Variants in SMAP1 observed in about 807,000 individuals in gnomAD.
SMAP1 encodes stromal membrane-associated protein 1.
Under a neutral mutation model 58.5 loss-of-function variants are expected in SMAP1, and 24 were observed. The observed-to-expected ratio is 0.41, with a 90% confidence interval of 0.30 to 0.58. The LOEUF is 0.58. Among genes scored for constraint, SMAP1 ranks in the 20% least tolerant of loss-of-function variants. SMAP1 has a pLI of 0.29. For synonymous variants in SMAP1, 216 were observed against 196.6 expected (o/e 1.10, Z -0.82); for missense variants, 563 against 566.3 (o/e 0.99, Z 0.06).
chr6:70,667,943 C>T lies in SMAP1; in HGVS notation c.-81C>T. 2 of 1,267,592 alleles carry T rather than the reference C, an allele frequency of 1.6e-6. No individual in the cohort carries two copies. The highest frequency in any genetic ancestry group is 3.0e-5 in the East Asian group (1 of 33,426). 78.5% of individuals were successfully genotyped at this position (1,267,592 alleles called of 1,614,324 possible). A position where few individuals can be genotyped will look rare whatever the true frequency, so the allele number is the denominator to read the frequency against. ...GAGTCCGCCCGCGGTCCCGGCGGCG[C>T]CAGGTGCGTTCACTCTGCCCGGCTC... On this transcript the variant is annotated 5_prime_UTR_variant, in exon 1 of 11. Coordinates refer to ENST00000370455, the MANE Select transcript of SMAP1 (RefSeq NM_001044305.3).
chr6:70,702,423 A>G (rs1767671338), intron 1 of SMAP1, among the ~76,000 whole-genome samples: 1 of 151,370 alleles, frequency 6.6e-6, no homozygotes, highest in African/African-American at 2.4e-5. Context: ...TTCATTTTAG[A>G]TAGTTGCTAT....
chr6:70,709,081 GT>G (rs972486393), intron 1 of SMAP1, among the ~76,000 whole-genome samples: 1 of 110,940 alleles, frequency 9.0e-6, no homozygotes, highest in Non-Finnish European at 2.0e-5. Flanking sequence ...TTCTAAGGAG[GT>G]TTTTGTGTGT....
At chr6:70,858,302 T>G in intron 10 of SMAP1, 73 bp downstream of exon 10, 16 of 1,331,998 alleles carry the variant, frequency 1.2e-5, no homozygotes, top group East Asian at 2.6e-5. Flanking sequence ...TTTTTTTTTT[T>G]TTTTTTTTTT....
In SMAP1 at chr6:70,858,176, C is replaced by T; in HGVS notation, c.1216C>T (p.Gln406Ter). The change falls in exon 10 of 11, where the codon CAG becomes TAG. Residue 406 changes from glutamine (Q) to a stop codon, truncating the protein, a stop_gained. Coordinates refer to ENST00000370455, the MANE Select transcript of SMAP1 (RefSeq NM_001044305.3). LOFTEE classifies it high-confidence loss of function. ...AATGGTGGGACAAATGGGTGCACCC[C>T]AGAGTAAGTTTGGCCTGCCGCAAGC... ...GGMVGQMGAP[Q>*]SKFGLPQAQQ... is the part of the protein sequence containing the mutation. 1 of 1,613,778 alleles carries T rather than the reference C, an allele frequency of 6.2e-7. No homozygotes were observed. Among genetic ancestry groups the T allele is most frequent in the Non-Finnish European group, 8.5e-7 (1 of 1,179,960 alleles).
intron 1 of SMAP1, among the ~76,000 whole-genome samples, chr6:70,697,977 G>A (rs887535699): frequency 3.9e-5 from 6 of 151,984 alleles, no homozygotes; most frequent in Non-Finnish European, 5.9e-5. Flanking sequence ...GCGTTTTTTT[G>A]TGTGCTTACT....
rs149677752 is a variant in SMAP1, at chr6:70,760,437, T to C, written c.338+5372T>C. On this transcript the variant is annotated intron_variant, in intron 3 of 10. Coordinates refer to ENST00000370455, the MANE Select transcript of SMAP1 (RefSeq NM_001044305.3). Reference sequence around the variant, plus strand: ...TAGATGATTACTTATGTTAAGAGTATAAGATGACAATTCTTGGACCATGAG... The same window carrying C: ...TAGATGATTACTTATGTTAAGAGTACAAGATGACAATTCTTGGACCATGAG... 5.3e-5 allele frequency among the ~76,000 whole-genome samples: 8 copies of C among 152,246 alleles called. No individual in the cohort carries two copies. In the East Asian group the frequency reaches 1.5e-3, roughly 29 times the overall value.
At chr6:70,707,221 AAAAT>A (rs1242213914) in intron 1 of SMAP1, among the ~76,000 whole-genome samples, 3 of 152,210 alleles carry the variant, frequency 2.0e-5, no homozygotes, top group East Asian at 1.9e-4. Context: ...TTTGTTTAAC[AAAAT>A]AAATAAACAT....
chr6:70,800,967 A>G (rs1768823142), intron 6 of SMAP1, among the ~76,000 whole-genome samples: 1 of 152,160 alleles, frequency 6.6e-6, no homozygotes, highest in African/African-American at 2.4e-5. Flanking sequence ...GAATAGTGCC[A>G]CAATAAACAT....
chr6:70,754,233 A>G (rs1251297310), intron 2 of SMAP1, among the ~76,000 whole-genome samples: 2 of 152,122 alleles, frequency 1.3e-5, no homozygotes, highest in African/African-American at 2.4e-5. Flanking sequence ...CTAATATAAT[A>G]GAATATTAAG....
intron 4 of SMAP1, among the ~76,000 whole-genome samples, chr6:70,777,738 T>C (rs567936185): frequency 6.6e-6 from 1 of 152,118 alleles, no homozygotes; most frequent in South Asian, 2.1e-4. Flanking sequence ...GGGTCTCCTA[T>C]TTAAGTCTTC....
At chr6:70,808,338 A>C (rs1200058196) in intron 6 of SMAP1, among the ~76,000 whole-genome samples, 1 of 152,256 alleles carries the variant, frequency 6.6e-6, no homozygotes, top group Non-Finnish European at 1.5e-5. Flanking sequence ...TAAATATTTT[A>C]AGCTATAGAC....
intron 9 of SMAP1, chr6:70,857,672 G>T (rs947754482): frequency 1.4e-5 from 7 of 494,562 alleles, no homozygotes; most frequent in African/African-American, 1.2e-4. Context: ...AAGATATTTT[G>T]TGTGGCTGTT....
intron 1 of SMAP1, among the ~76,000 whole-genome samples, chr6:70,707,613 T>C (rs1221612517): frequency 6.6e-6 from 1 of 152,144 alleles, no homozygotes; most frequent in Non-Finnish European, 1.5e-5. Context: ...TATTTATTTA[T>C]ATTTATTTTT....
chr6:70,842,395 G>A (rs541688926), intron 7 of SMAP1, among the ~76,000 whole-genome samples: 5 of 152,280 alleles, frequency 3.3e-5, no homozygotes, highest in South Asian at 2.1e-4. Context: ...AGCAATGGGC[G>A]GATACTTGCA....
chr6:70,752,030 A>C (rs1287866484), intron 2 of SMAP1, among the ~76,000 whole-genome samples: 2 of 152,186 alleles, frequency 1.3e-5, no homozygotes, highest in Non-Finnish European at 2.9e-5. Flanking sequence ...TTTTAACAAC[A>C]GGAATGATGT....
intron 6 of SMAP1, among the ~76,000 whole-genome samples, chr6:70,810,760 A>G (rs1420719121): frequency 6.6e-6 from 1 of 152,096 alleles, no homozygotes; most frequent in Admixed American, 6.6e-5. Context: ...AAAGTTTCTT[A>G]AAGTTGAGGT....
At chr6:70,668,428 C>A in intron 1 of SMAP1, 1 of 1,232,990 alleles carries the variant, frequency 8.1e-7, no homozygotes, top group Non-Finnish European at 1.1e-6. Context: ...TCGGACCCTC[C>A]ACAGGGCTGG....
At chr6:70,769,911 T>C (rs922588942) in intron 3 of SMAP1, among the ~76,000 whole-genome samples, 9 of 151,910 alleles carry the variant, frequency 5.9e-5, no homozygotes, top group Non-Finnish European at 7.4e-5. Flanking sequence ...TTTCCATGTT[T>C]AGTGCTTCCT....
chr6:70,850,941 A>C (rs1446316074), intron 7 of SMAP1, among the ~76,000 whole-genome samples: 1 of 152,186 alleles, frequency 6.6e-6, no homozygotes, highest in African/African-American at 2.4e-5. Flanking sequence ...AAATGAAAAA[A>C]AGTATTTTCA....
Sources: allele counts gnomAD v4.1 joint callset (sites outside exome capture counted in the v4.1 genomes callset), GRCh38; gene constraint gnomAD v4.1.1; transcripts MANE v1.5; gene names NCBI Gene and HGNC (gene_info 2026-07-23, HGNC 2026-07-21).